The following DNM1L variants were observed in gnomAD, a reference collection of about 807,000 sequenced individuals.
DNM1L encodes the protein dynamin 1L, also known as dynamin-1-like protein.
In DNM1L, 33 loss-of-function variants were observed where a neutral mutation model predicts 92.8. That is an observed-to-expected ratio of 0.36 (90% CI 0.27 to 0.48). The LOEUF is 0.48. Ranked by LOEUF, DNM1L falls within the 20% of genes least tolerant of loss-of-function variation. The pLI is 0.99. For missense variants in DNM1L, 485 were observed against 888.8 expected (o/e 0.55, Z 5.78); for synonymous variants, 284 against 305.0 (o/e 0.93, Z 0.72).
intron 4 of DNM1L, 125 bp downstream of exon 4, chr12:32,708,349 C>T (rs1007503281): frequency 4.9e-6 from 3 of 613,632 alleles, no homozygotes; most frequent in South Asian, 2.0e-5. Context: ...GGCCGAGAAG[C>T]GATGGACATT....
chr12:32,688,080 A>G (rs1233175718), intron 1 of DNM1L, among the ~76,000 whole-genome samples: 2 of 152,074 alleles, frequency 1.3e-5, no homozygotes, highest in African/African-American at 4.8e-5. Context: ...GCCCACCACC[A>G]TGCCTGGCTA....
Position 32,717,358 on chromosome 12 carries a change from T to C in DNM1L, c.620-1285T>C, listed in dbSNP as rs571078477. ...TATATATACTATATATTATATATAG[T>C]ATATATAATATATATACTATATATA... is the stretch of plus-strand genomic sequence containing the variant. On this transcript the variant is annotated intron_variant, in intron 6 of 19. Transcript: ENST00000549701. 4.7e-4 allele frequency among the ~76,000 whole-genome samples: 34 copies of C among 71,858 alleles called. 2 individuals are homozygous for C. The South Asian group carries it at 0.01, about 22-fold the overall frequency. The allele number at this position is 71,858 out of a possible 152,430, so 47.1% of individuals were successfully genotyped here.
chr12:32,706,128 T>C (rs1952917753), intron 2 of DNM1L: 1 of 354,902 alleles, frequency 2.8e-6, no homozygotes, highest in Non-Finnish European at 5.0e-6. Flanking sequence ...TAAGATAAAT[T>C]AGAAACAGCT....
In DNM1L at chr12:32,695,312, A is replaced by G. The variant is rs371430756; in HGVS notation, c.103-6103A>G. 9.8e-5 allele frequency among the ~76,000 whole-genome samples: 15 copies of G among 152,336 alleles called. 3 individuals carry two copies. The highest frequency in any genetic ancestry group is 1.3e-4 in the Admixed American group (2 of 15,302). On this transcript the variant is annotated intron_variant, in intron 1 of 19. Coordinates refer to ENST00000549701, the MANE Select transcript of DNM1L (RefSeq NM_012062.5). ...TTTGAAGAAAAACAAGACCCCTTAG[A>G]CAAGGAAATGAAAGCACACCAGAAA...
intron 9 of DNM1L, 120 bp downstream of exon 9, chr12:32,722,753 A>G (rs1953863846): frequency 2.6e-6 from 2 of 780,068 alleles, no homozygotes; most frequent in Non-Finnish European, 2.1e-6. Context: ...AAACAAAAAT[A>G]TAACTTTGTA....
At chr12:32,721,531 A>G (rs1407732139) in intron 8 of DNM1L, among the ~76,000 whole-genome samples, 3 of 152,212 alleles carry the variant, frequency 2.0e-5, no homozygotes, top group Non-Finnish European at 4.4e-5. Context: ...GGAAAAACCA[A>G]TCAAAATTGT....
intron 14 of DNM1L, chr12:32,737,603 G>GA: frequency 4.3e-6 from 2 of 463,626 alleles, no homozygotes; most frequent in Non-Finnish European, 7.8e-6. Context: ...TTCTTTGCCA[G>GA]AAAAGAATCT....
intron 1 of DNM1L, among the ~76,000 whole-genome samples, chr12:32,684,477 C>CT (rs768276200): frequency 0.024 from 3,459 of 146,066 alleles, 119 homozygotes; most frequent in African/African-American, 0.075. Flanking sequence ...CAACATAATT[C>CT]TTTTTTTTTT....
chr12:32,701,701 T>C (rs1197497328), intron 2 of DNM1L, 139 bp downstream of exon 2: 1 of 781,406 alleles, frequency 1.3e-6, no homozygotes, highest in Non-Finnish European at 2.1e-6. Flanking sequence ...TATGCATCTT[T>C]CTTAATGTAA....
chr12:32,684,819 T>G (rs1235757448), intron 1 of DNM1L, among the ~76,000 whole-genome samples: 5 of 152,224 alleles, frequency 3.3e-5, no homozygotes, highest in Non-Finnish European at 7.3e-5. Context: ...AATATTACAT[T>G]GTATAGATAC....
rs747336401 is a variant in DNM1L at position 32,742,610 on chromosome 12, T to C, written c.2016T>C (p.His672=). The change falls in exon 19 of 20, where the codon CAT becomes CAC. Residue 672 remains histidine, a synonymous_variant. Coordinates refer to ENST00000549701, the MANE Select transcript of DNM1L (RefSeq NM_012062.5). ...IQDSVPKAVM[H]FLVNHVKDTL... is the part of the protein sequence containing the mutation. ...GCAGTGTGCCAAAGGCAGTAATGCA[T>C]TTTTTGGTTAATCATGTGAAAGACA... The C allele has an allele frequency of 2.5e-6, 4 of 1,613,898 alleles. No individual in the cohort carries two copies. Among genetic ancestry groups the C allele is most frequent in the African/African-American group, 1.3e-5 (1 of 74,914 alleles).
chr12:32,727,183 C>A, intron 9 of DNM1L: 1 of 918,916 alleles, frequency 1.1e-6, no homozygotes. Context: ...TCTGTAGGTT[C>A]ATAAATTGTA....
chr12:32,697,119 C>T (rs537326978), intron 1 of DNM1L, among the ~76,000 whole-genome samples: 2 of 151,808 alleles, frequency 1.3e-5, no homozygotes, highest in African/African-American at 2.4e-5. Flanking sequence ...ATCCCAGCTA[C>T]TTGGGAGGCT....
chr12:32,720,886 C>A, intron 8 of DNM1L, 91 bp downstream of exon 8: 2 of 1,506,342 alleles, frequency 1.3e-6, no homozygotes, highest in Non-Finnish European at 1.8e-6. Flanking sequence ...CATTTTCATA[C>A]TGTTCCTAAC....
At chr12:32,697,086 A>G (rs1952499518) in intron 1 of DNM1L, among the ~76,000 whole-genome samples, 2 of 151,260 alleles carry the variant, frequency 1.3e-5, no homozygotes, top group Non-Finnish European at 2.9e-5. Context: ...AAAATTAGCC[A>G]GGTGTGGTGG....
At chr12:32,714,063 G>C (rs149042809) in intron 6 of DNM1L, among the ~76,000 whole-genome samples, 1 of 152,246 alleles carries the variant, frequency 6.6e-6, no homozygotes, top group Non-Finnish European at 1.5e-5. Flanking sequence ...GCTTGTAAGA[G>C]AGTGGTTACT....
chr12:32,714,752 C>T, intron 6 of DNM1L, among the ~76,000 whole-genome samples: 1 of 150,962 alleles, frequency 6.6e-6, no homozygotes, highest in Non-Finnish European at 1.5e-5. Flanking sequence ...TTTGGGAGGC[C>T]AAGGTGGGTG....
chr12:32,730,634 T>G (rs1397641063), intron 9 of DNM1L, among the ~76,000 whole-genome samples: 2 of 152,074 alleles, frequency 1.3e-5, no homozygotes, highest in East Asian at 3.9e-4. Context: ...TATGTGACCC[T>G]TTATGGAAAA....
chr12:32,689,658 A>G (rs934026616), intron 1 of DNM1L, among the ~76,000 whole-genome samples: 1 of 147,618 alleles, frequency 6.8e-6, no homozygotes, highest in Non-Finnish European at 1.5e-5. Flanking sequence ...ATTAATATCA[A>G]AATAAAGAAT....
Sources: allele counts gnomAD v4.1 joint callset (sites outside exome capture counted in the v4.1 genomes callset), GRCh38; gene constraint gnomAD v4.1.1; transcripts MANE v1.5; gene names NCBI Gene and HGNC (gene_info 2026-07-23, HGNC 2026-07-21).